DIS3L2: variants seen among roughly 807,000 people sequenced by gnomAD.
DIS3L2 encodes DIS3-like exonuclease 2.
A neutral mutation model predicts 97.5 loss-of-function variants in DIS3L2; 34 were observed. The ratio of observed to expected loss-of-function variants is 0.35; its 90% CI spans 0.27 to 0.46. The LOEUF (loss-of-function observed/expected upper bound fraction) is 0.46, where lower values mean the gene tolerates loss of function less well. DIS3L2 is among the 20% of genes least tolerant of loss of function. The pLI, the probability that DIS3L2 is intolerant of heterozygous loss-of-function variation, is 1.00. For synonymous variants in DIS3L2, 435 were observed against 445.2 expected (o/e 0.98, Z 0.29); for missense variants, 1,038 against 1,146.0 (o/e 0.91, Z 1.36).
At chr2:232,320,506 A>T (rs1695401847) in intron 14 of DIS3L2, among the ~76,000 whole-genome samples, 1 of 152,214 alleles carries the variant, frequency 6.6e-6, no homozygotes, top group African/African-American at 2.4e-5. Flanking sequence ...ATATACAGGC[A>T]GTAAGAATGT....
At chr2:232,253,237 T>C (rs1693465884) in intron 12 of DIS3L2, among the ~76,000 whole-genome samples, 1 of 152,268 alleles carries the variant, frequency 6.6e-6, no homozygotes, top group African/African-American at 2.4e-5. Context: ...TATGAGGTAT[T>C]GGAGTGCAAT....
At chr2:232,111,050 G>T (rs1232313305) in intron 6 of DIS3L2, 3 of 355,094 alleles carry the variant, frequency 8.4e-6, no homozygotes, top group African/African-American at 2.1e-5. Flanking sequence ...TATTTAAAAA[G>T]GATAGGAAAT....
intron 12 of DIS3L2, among the ~76,000 whole-genome samples, chr2:232,259,465 A>T (rs576720010): frequency 2.3e-4 from 35 of 152,138 alleles, no homozygotes; most frequent in African/African-American, 8.2e-4. Flanking sequence ...CAGCAATCAG[A>T]GGGGTGAGAA....
intron 8 of DIS3L2, among the ~76,000 whole-genome samples, chr2:232,162,674 G>A (rs16828648): frequency 0.1 from 15,733 of 152,136 alleles, 1,039 homozygotes; most frequent in African/African-American, 0.19. Context: ...TTTGGTCTCC[G>A]CAATACCCTC....
rs555075333 is a variant in DIS3L2 at position 232,038,060 on chromosome 2, T to A, written c.366+7980T>A. 2.6e-5 allele frequency among the ~76,000 whole-genome samples: 4 copies of A among 152,368 alleles called. No individual in the cohort carries two copies. The East Asian group carries it at 7.7e-4, about 29-fold the overall frequency. ...AGTTCAGATCCACCTCCCAGCTTCA[T>A]CCCCAGTTGCTGCCAATTGTTGATA... On this transcript the variant is annotated intron_variant, in intron 5 of 20. Coordinates refer to ENST00000325385, the MANE Select transcript of DIS3L2 (RefSeq NM_152383.5).
intron 5 of DIS3L2, among the ~76,000 whole-genome samples, chr2:232,046,878 C>G (rs1476214815): frequency 5.3e-5 from 8 of 152,052 alleles, no homozygotes; most frequent in Non-Finnish European, 1.0e-4. Context: ...GTCTCGAACC[C>G]TAGGTTCAAG....
At chr2:231,994,317 C>T (rs958788272) in intron 1 of DIS3L2, among the ~76,000 whole-genome samples, 5 of 151,872 alleles carry the variant, frequency 3.3e-5, no homozygotes, top group African/African-American at 9.7e-5. Context: ...AGTATGATTC[C>T]TCCAACTTTA....
intron 5 of DIS3L2, among the ~76,000 whole-genome samples, chr2:232,067,575 T>C (rs559804144): frequency 4.6e-4 from 70 of 152,320 alleles, no homozygotes; most frequent in African/African-American, 1.5e-3. Flanking sequence ...GTGGTAAACA[T>C]TCTCTGTGCA....
intron 1 of DIS3L2, among the ~76,000 whole-genome samples, chr2:232,007,510 A>AT (rs1694086312): frequency 6.6e-6 from 1 of 152,014 alleles, no homozygotes; most frequent in African/African-American, 2.4e-5. Flanking sequence ...TAATTTTTGT[A>AT]TTTTTTTGTA....
At chr2:232,106,079 G>T (rs139262504) in intron 6 of DIS3L2, among the ~76,000 whole-genome samples, 1 of 151,982 alleles carries the variant, frequency 6.6e-6, no homozygotes, top group East Asian at 1.9e-4. Context: ...GCCACTTTTG[G>T]ACTCTTTCTT....
intron 14 of DIS3L2, among the ~76,000 whole-genome samples, chr2:232,300,649 C>T (rs1392990932): frequency 7.1e-6 from 1 of 140,224 alleles, no homozygotes; most frequent in Non-Finnish European, 1.5e-5. Context: ...TCATAGACTG[C>T]TCCTTTTTTT....
intron 14 of DIS3L2, chr2:232,307,515 T>A (rs1559204438): frequency 6.6e-6 from 1 of 152,216 alleles, no homozygotes; most frequent in African/African-American, 2.4e-5. Context: ...CAGTTTTTTT[T>A]TGCCATTTTT....
At chr2:232,231,196 A>G (rs754023893) in intron 10 of DIS3L2, among the ~76,000 whole-genome samples, 1 of 152,196 alleles carries the variant, frequency 6.6e-6, no homozygotes, top group African/African-American at 2.4e-5. Context: ...GTTTTCTTGT[A>G]TGTCTACAGT....
intron 13 of DIS3L2, among the ~76,000 whole-genome samples, chr2:232,265,749 A>G (rs539449653): frequency 1.3e-5 from 2 of 152,264 alleles, no homozygotes; most frequent in Admixed American, 1.3e-4. Context: ...GGATAATTAC[A>G]AAATCCATTA....
At chr2:232,160,980 T>G (rs888775387) in intron 8 of DIS3L2, among the ~76,000 whole-genome samples, 24 of 152,188 alleles carry the variant, frequency 1.6e-4, no homozygotes, top group Non-Finnish European at 3.1e-4. Flanking sequence ...TACAGTGGCG[T>G]GATCTCGGCT....
At chr2:231,993,674 TA>T (rs1693644155) in intron 1 of DIS3L2, among the ~76,000 whole-genome samples, 2 of 152,188 alleles carry the variant, frequency 1.3e-5, no homozygotes, top group South Asian at 4.2e-4. Context: ...TGTCTTTCAT[TA>T]AAATGAAATA....
intron 12 of DIS3L2, among the ~76,000 whole-genome samples, chr2:232,253,127 A>G (rs1047661816): frequency 2.0e-5 from 3 of 152,248 alleles, no homozygotes; most frequent in African/African-American, 7.2e-5. Context: ...GTACCTCTAC[A>G]TGCAGCAAAA....
At chr2:232,213,411 GC>G (rs1459798191) in intron 10 of DIS3L2, among the ~76,000 whole-genome samples, 1 of 152,132 alleles carries the variant, frequency 6.6e-6, no homozygotes, top group Non-Finnish European at 1.5e-5. Context: ...CTCTGAAACG[GC>G]CTGAGTTGGT....
At position 232,269,709 on chromosome 2, in the gene DIS3L2, G is replaced by C. The variant is rs147830553; in HGVS notation, c.1659+6269G>C. Among the ~76,000 whole-genome samples the C allele has an allele frequency of 2.8e-4, 42 of 152,132 alleles. No homozygotes were observed. Among genetic ancestry groups the C allele is most frequent in the African/African-American group, 9.6e-4 (40 of 41,472 alleles). Reference sequence around the variant, plus strand: ...GCAGACTGCTGGTACAAGCATGGGAGGGATGAGAAATGGCAGATTGTTCCA... The same window carrying C: ...GCAGACTGCTGGTACAAGCATGGGACGGATGAGAAATGGCAGATTGTTCCA... On this transcript the variant is annotated intron_variant, in intron 13 of 20. Transcript: ENST00000325385. This position sits in a 1 kb window ranked among gnomAD's most constrained non-coding sequence, Gnocchi z 4.5.
Sources: allele counts gnomAD v4.1 joint callset (sites outside exome capture counted in the v4.1 genomes callset), GRCh38; gene constraint gnomAD v4.1.1; non-coding constraint Gnocchi (gnomAD v3.1); transcripts MANE v1.5; gene names NCBI Gene and HGNC (gene_info 2026-07-23, HGNC 2026-07-21).